Variants in CUX1 observed in about 807,000 individuals in gnomAD.
CUX1 encodes the protein protein CASP.
Under a neutral mutation model 158.8 loss-of-function variants are expected in CUX1, and 31 were observed. That is an observed-to-expected ratio of 0.20 (90% CI 0.15 to 0.26). CUX1 has a LOEUF of 0.26. Among genes scored for constraint, CUX1 ranks in the 10% least tolerant of loss-of-function variants. CUX1 has a pLI of 1.00. For missense variants in CUX1, 1,589 were observed against 2,014.6 expected (o/e 0.79, Z 4.04); for synonymous variants, 879 against 862.1 (o/e 1.02, Z -0.34).
At chr7:101,857,258 G>A (rs1796952746) in intron 1 of CUX1, among the ~76,000 whole-genome samples, 1 of 152,248 alleles carries the variant, frequency 6.6e-6, no homozygotes. Flanking sequence ...AGGGCATTTT[G>A]CCTGTCACAG....
intron 20 of CUX1, among the ~76,000 whole-genome samples, chr7:102,217,714 A>T (rs1352550351): frequency 1.7e-5 from 2 of 119,190 alleles, no homozygotes; most frequent in African/African-American, 7.4e-5. Context: ...GGGAGGGAGG[A>T]TCTGGATGGA....
intron 2 of CUX1, among the ~76,000 whole-genome samples, chr7:101,947,728 A>AT (rs1283978553): frequency 6.6e-6 from 1 of 152,176 alleles, no homozygotes; most frequent in Non-Finnish European, 1.5e-5. Flanking sequence ...GATTCCTGGG[A>AT]TTTTTTTAAA....
intron 8 of CUX1, among the ~76,000 whole-genome samples, chr7:102,129,339 G>A (rs1832973829): frequency 6.6e-6 from 1 of 152,108 alleles, no homozygotes; most frequent in South Asian, 2.1e-4. Context: ...AAAGTTCCAA[G>A]TTCAAACCAT....
In CUX1 at chr7:102,252,589, T is replaced by TA. The variant is rs1801630987; in HGVS notation, c.*3551dup. The TA allele has an allele frequency of 2.0e-6, 2 of 985,298 alleles. No individual in the cohort carries two copies. The highest frequency in any genetic ancestry group is 2.4e-6 in the Non-Finnish European group (2 of 829,936). The allele number at this position is 985,298 out of a possible 1,614,324, so 61.0% of individuals were successfully genotyped here. A position where few individuals can be genotyped will look rare whatever the true frequency, so the allele number is the denominator to read the frequency against. ...TAGCTGGCTAAGCAGAGGCTCGGGG[T>TA]AAAATCAGTGTTTGCATTTAGCCTC... is the stretch of plus-strand genomic sequence containing the variant. On this transcript the variant is annotated 3_prime_UTR_variant, in exon 24 of 24. Coordinates refer to ENST00000292535, the MANE Select transcript of CUX1 (RefSeq NM_181552.4).
intron 3 of CUX1, among the ~76,000 whole-genome samples, chr7:102,044,088 A>G (rs568546548): frequency 6.6e-6 from 1 of 152,196 alleles, no homozygotes; most frequent in Admixed American, 6.5e-5. Flanking sequence ...GCCTCAGGTG[A>G]TCCTCCTGTC....
chr7:101,995,002 C>G (rs552151570), intron 2 of CUX1, among the ~76,000 whole-genome samples: 2 of 151,348 alleles, frequency 1.3e-5, no homozygotes, highest in African/African-American at 2.4e-5. Context: ...AAGGCCGAGA[C>G]GGGGGGATCA....
At chr7:102,149,883 G>T (rs1375498348) in intron 8 of CUX1, among the ~76,000 whole-genome samples, 1 of 152,052 alleles carries the variant, frequency 6.6e-6, no homozygotes, top group Non-Finnish European at 1.5e-5. Context: ...AGGGTCCAGC[G>T]AGCCCCACCT....
At chr7:102,100,334 C>T (rs1829644244) in intron 5 of CUX1, among the ~76,000 whole-genome samples, 1 of 152,176 alleles carries the variant, frequency 6.6e-6, no homozygotes, top group Non-Finnish European at 1.5e-5. Context: ...CCTTTTATTG[C>T]TACCACCTAG....
chr7:102,167,675 C>T (rs1310734502), intron 9 of CUX1, among the ~76,000 whole-genome samples: 2 of 152,180 alleles, frequency 1.3e-5, no homozygotes, highest in South Asian at 2.1e-4. Context: ...GCAAGGGAGG[C>T]GTAAGCTCTT....
At chr7:102,173,086 G>A (rs1791910946) in intron 10 of CUX1, among the ~76,000 whole-genome samples, 1 of 152,148 alleles carries the variant, frequency 6.6e-6, no homozygotes, top group Non-Finnish European at 1.5e-5. Context: ...GAGACTGGGT[G>A]TGGTGGCACA....
chr7:101,952,760 G>T (rs904885037), intron 2 of CUX1, among the ~76,000 whole-genome samples: 15 of 152,176 alleles, frequency 9.9e-5, no homozygotes, highest in Non-Finnish European at 1.9e-4. Flanking sequence ...TCAGCTCGGG[G>T]CTTACCTGGT....
At chr7:102,225,846 C>T (rs1256566252) in intron 20 of CUX1, among the ~76,000 whole-genome samples, 2 of 152,148 alleles carry the variant, frequency 1.3e-5, no homozygotes, top group Admixed American at 1.3e-4. Flanking sequence ...TTTACAAGAC[C>T]CTGGGAGCAG....
At chr7:102,233,374 T>C (rs968172387) in intron 21 of CUX1, among the ~76,000 whole-genome samples, 6 of 151,930 alleles carry the variant, frequency 3.9e-5, no homozygotes, top group African/African-American at 1.5e-4. Context: ...TGTATTTTTG[T>C]AGAGACTGAG....
At chr7:101,817,421 C>G, upstream of CUX1, 1 of 984,494 alleles carries the variant, frequency 1.0e-6, no homozygotes, top group Non-Finnish European at 1.2e-6. This position sits in a 1 kb window ranked among gnomAD's most constrained non-coding sequence, Gnocchi z 4.1. Context: ...CCGTTGGGAC[C>G]GTGGCATGCC....
chr7:101,931,684 C>T (rs1806309020), intron 2 of CUX1, among the ~76,000 whole-genome samples: 1 of 152,160 alleles, frequency 6.6e-6, no homozygotes, highest in African/African-American at 2.4e-5. Flanking sequence ...TCACTTCAGC[C>T]TCCCAAGTAG....
intron 14 of CUX1, among the ~76,000 whole-genome samples, chr7:102,265,482 G>A (rs1428510817): frequency 6.6e-6 from 1 of 152,052 alleles, no homozygotes. Flanking sequence ...CTGTTGCCCA[G>A]GCTAGACGGC....
intron 1 of CUX1, among the ~76,000 whole-genome samples, chr7:101,819,303 C>G (rs1248799386): frequency 6.6e-6 from 1 of 152,138 alleles, no homozygotes; most frequent in Non-Finnish European, 1.5e-5. Flanking sequence ...AAGGAGGACA[C>G]TTTCTAAGAC....
intron 2 of CUX1, among the ~76,000 whole-genome samples, chr7:101,943,103 T>A (rs1172471765): frequency 2.1e-5 from 2 of 96,690 alleles, no homozygotes; most frequent in Admixed American, 1.1e-4. Context: ...TTTTTTTTTT[T>A]ACTTTTTCTT....
At chr7:101,825,938 C>G (rs1025541311) in intron 1 of CUX1, among the ~76,000 whole-genome samples, 1 of 152,126 alleles carries the variant, frequency 6.6e-6, no homozygotes, top group Admixed American at 6.6e-5. Context: ...ATTATAAATG[C>G]AGCTGCCAGA....
Sources: gnomAD v4.1 joint callset for allele counts (sites outside exome capture counted in the v4.1 genomes callset) on GRCh38, gnomAD v4.1.1 for gene constraint, Gnocchi (gnomAD v3.1) non-coding constraint, MANE v1.5 for transcripts, NCBI Gene and HGNC (gene_info 2026-07-23, HGNC 2026-07-21) for gene names.